The following SS18 variants were observed in gnomAD, a reference collection of about 807,000 sequenced individuals.
SS18 encodes the protein SS18 subunit of BAF chromatin remodeling complex.
SS18 carries 28 observed loss-of-function variants against 72.5 expected under a neutral mutation model. That is an observed-to-expected ratio of 0.39 (90% CI 0.29 to 0.53). The LOEUF (loss-of-function observed/expected upper bound fraction) is 0.53. SS18 is among the 20% of genes least tolerant of loss of function. The probability of loss-of-function intolerance (pLI) is 0.76; values close to 1 mark genes in which losing one functional copy is unlikely to be tolerated. For synonymous variants in SS18, 172 were observed against 164.2 expected, an observed-to-expected ratio of 1.05 and a Z score of -0.37; for missense variants, 518 against 535.3, an observed-to-expected ratio of 0.97 and a Z score of 0.32.
At chr18:26,037,902 G>A (rs778217237) in intron 7 of SS18, among the ~76,000 whole-genome samples, 3 of 151,924 alleles carry the variant, frequency 2.0e-5, no homozygotes, top group Non-Finnish European at 4.4e-5. Context: ...CTGAAGTACA[G>A]TGCATCTTAC....
At chr18:26,069,045 C>T (rs1322323110) in intron 3 of SS18, among the ~76,000 whole-genome samples, 1 of 152,130 alleles carries the variant, frequency 6.6e-6, no homozygotes, top group Non-Finnish European at 1.5e-5. Context: ...GATGGCATCA[C>T]CATCAGTTGA....
At chr18:26,076,455 C>T (rs575283941) in intron 3 of SS18, among the ~76,000 whole-genome samples, 1 of 151,968 alleles carries the variant, frequency 6.6e-6, no homozygotes, top group African/African-American at 2.4e-5. Context: ...AAACCATCCA[C>T]ATGGAAACAA....
At chr18:26,085,142 C>A (rs1209431858) in intron 2 of SS18, among the ~76,000 whole-genome samples, 1 of 152,198 alleles carries the variant, frequency 6.6e-6, no homozygotes, top group East Asian at 1.9e-4. Flanking sequence ...TTTGTACTAT[C>A]TTTGAAACAT....
chr18:26,074,442 C>A (rs1266620738), intron 3 of SS18, among the ~76,000 whole-genome samples: 2 of 151,968 alleles, frequency 1.3e-5, no homozygotes, highest in African/African-American at 4.8e-5. Context: ...TTTTCTGCTA[C>A]AACCGAAACA....
Position 26,057,666 on chromosome 18 carries a change from T to C in SS18, c.308A>G (p.Asn103Ser). 1 of 1,614,074 alleles carries C rather than the reference T, an allele frequency of 6.2e-7. No individual in the cohort carries two copies. The highest frequency in any genetic ancestry group is 1.1e-5 in the South Asian group (1 of 91,074). The change falls in exon 4 of 11, where the codon AAC becomes AGC. Residue 103 changes from asparagine (N) to serine (S), a missense_variant. Transcript: ENST00000415083. ...SGPPPPPRSHNMPSDGMVGGG... is the reference protein window; with the variant it reads ...SGPPPPPRSHSMPSDGMVGGG... ...ACCTACCATTCCATCTGAAGGCATG[T>C]TGTGAGAGCGTGGAGGTGGGGGAGG...
intron 10 of SS18, among the ~76,000 whole-genome samples, chr18:26,019,486 T>C (rs567372878): frequency 6.6e-6 from 1 of 152,172 alleles, no homozygotes; most frequent in African/African-American, 2.4e-5. Flanking sequence ...TGTCACCATA[T>C]ATATGATGGA....
At chr18:26,019,723 A>T (rs891398302) in intron 10 of SS18, among the ~76,000 whole-genome samples, 2 of 149,790 alleles carry the variant, frequency 1.3e-5, no homozygotes, top group African/African-American at 4.9e-5. Context: ...AGGCAAGAGA[A>T]TTGCATGAAC....
chr18:26,049,972 C>A (rs1398693574), intron 5 of SS18, among the ~76,000 whole-genome samples: 1 of 152,242 alleles, frequency 6.6e-6, no homozygotes, highest in East Asian at 1.9e-4. Context: ...TTGGGCCCAG[C>A]GCAGTGGCTT....
Position 26,087,485 on chromosome 18 carries a change from TTCTTATCAA to T in SS18, c.146+7_146+15del. The T allele has an allele frequency of 6.7e-7, 1 of 1,496,592 alleles. No individual in the cohort carries two copies. The highest frequency in any genetic ancestry group is 9.1e-7 in the Non-Finnish European group (1 of 1,095,288). The allele number at this position is 1,496,592 out of a possible 1,614,324, so 92.7% of individuals were successfully genotyped here. A position where few individuals can be genotyped will look rare whatever the true frequency, so the allele number is the denominator to read the frequency against. On this transcript the variant is annotated splice_region_variant and intron_variant, in intron 2 of 10. Coordinates refer to ENST00000415083, the MANE Select transcript of SS18 (RefSeq NM_001007559.3). Reference sequence around the variant, plus strand: ...ACAAAAAACTGAATAAAAAAAAAGTTTCTTATCAATCTTACTGAGAACACTCTGAGGTCT... The same window carrying T: ...ACAAAAAACTGAATAAAAAAAAAGTTTCTTACTGAGAACACTCTGAGGTCT...
intron 5 of SS18, among the ~76,000 whole-genome samples, chr18:26,042,740 G>GAGATGT (rs1446699173): frequency 1.3e-5 from 2 of 151,766 alleles, no homozygotes; most frequent in East Asian, 3.9e-4. Flanking sequence ...TGGTAATATA[G>GAGATGT]AGATGTGATG....
At chr18:26,067,238 G>A (rs1035201849) in intron 3 of SS18, among the ~76,000 whole-genome samples, 1 of 152,124 alleles carries the variant, frequency 6.6e-6, no homozygotes, top group Non-Finnish European at 1.5e-5. Flanking sequence ...TAATTGTGCA[G>A]CACCATGCTA....
chr18:26,043,446 T>A (rs919506861), intron 5 of SS18, among the ~76,000 whole-genome samples: 2 of 152,230 alleles, frequency 1.3e-5, no homozygotes, highest in Non-Finnish European at 2.9e-5. Context: ...ATTTCATCAT[T>A]TACTGCTTAC....
chr18:26,087,473 T>TAA, intron 2 of SS18, 28 bp downstream of exon 2: 3 of 1,370,914 alleles, frequency 2.2e-6, no homozygotes, highest in South Asian at 2.5e-5. Context: ...AAAAACTGAA[T>TAA]AAAAAAAAAG....
At chr18:26,080,430 G>GA (rs1351548475) in intron 2 of SS18, 8 of 979,824 alleles carry the variant, frequency 8.2e-6, no homozygotes, top group South Asian at 4.7e-5. Context: ...GACCCTTTAA[G>GA]AAAAAATTTT....
At chr18:26,027,671 T>TTAAA (rs1372303761) in intron 10 of SS18, among the ~76,000 whole-genome samples, 1 of 27,300 alleles carries the variant, frequency 3.7e-5, no homozygotes, top group African/African-American at 1.1e-4. Flanking sequence ...GAGACTCATC[T>TTAAA]AAAAAAAAAA....
intron 5 of SS18, among the ~76,000 whole-genome samples, chr18:26,047,533 A>G (rs1457596659): frequency 6.6e-6 from 1 of 152,192 alleles, no homozygotes; most frequent in Non-Finnish European, 1.5e-5. Flanking sequence ...ACTAAAACAA[A>G]CTATTTTAAA....
intron 5 of SS18, among the ~76,000 whole-genome samples, chr18:26,042,673 G>A (rs1052283248): frequency 4.0e-5 from 6 of 151,110 alleles, no homozygotes; most frequent in African/African-American, 1.5e-4. Context: ...TGAAGAGTAA[G>A]TCAAGGATCA....
intron 3 of SS18, among the ~76,000 whole-genome samples, chr18:26,074,778 G>C (rs935138974): frequency 1.3e-5 from 2 of 151,724 alleles, no homozygotes; most frequent in Admixed American, 6.6e-5. Flanking sequence ...GAAAAATGCT[G>C]CAACAGAGCA....
chr18:26,059,137 G>A (rs910241461), intron 3 of SS18, among the ~76,000 whole-genome samples: 1 of 152,108 alleles, frequency 6.6e-6, no homozygotes, highest in African/African-American at 2.4e-5. Context: ...AGAATAACTT[G>A]TATCAAACTA....
Sources: gnomAD v4.1 joint callset for allele counts (sites outside exome capture counted in the v4.1 genomes callset) on GRCh38, gnomAD v4.1.1 for gene constraint, MANE v1.5 for transcripts, NCBI Gene and HGNC (gene_info 2026-07-23, HGNC 2026-07-21) for gene names.